Variants in CORO2A observed in about 807,000 individuals in gnomAD.
CORO2A encodes coronin 2A.
CORO2A carries 47 observed loss-of-function variants against 62.4 expected under a neutral mutation model. The ratio of observed to expected loss-of-function variants is 0.75; its 90% confidence interval spans 0.60 to 0.96. The LOEUF is 0.96. Among genes scored for constraint, CORO2A ranks in the 40% least tolerant of loss-of-function variants. The pLI, the probability that CORO2A is intolerant of heterozygous loss-of-function variation, is 0.00. For synonymous variants in CORO2A, 273 were observed against 268.9 expected, an observed-to-expected ratio of 1.02 and a Z score of -0.15; for missense variants, 610 against 684.1, an observed-to-expected ratio of 0.89 and a Z score of 1.21.
At chr9:98,141,643 T>A (rs923572831) in intron 2 of CORO2A, among the ~76,000 whole-genome samples, 3 of 152,194 alleles carry the variant, frequency 2.0e-5, no homozygotes, top group Non-Finnish European at 2.9e-5. Flanking sequence ...CTTGAGCCAC[T>A]GCGCCCAGCT....
At chr9:98,155,111 A>G (rs1827784624) in intron 2 of CORO2A, among the ~76,000 whole-genome samples, 2 of 152,126 alleles carry the variant, frequency 1.3e-5, no homozygotes, top group African/African-American at 4.8e-5. Flanking sequence ...TGACAATCTG[A>G]TGTGTAGTGG....
intron 1 of CORO2A, among the ~76,000 whole-genome samples, chr9:98,171,044 G>C (rs1349600154): frequency 6.6e-6 from 1 of 152,004 alleles, no homozygotes; most frequent in East Asian, 1.9e-4. Flanking sequence ...ACTCCACACA[G>C]GTTTATTGCC....
At chr9:98,149,993 G>A (rs376665698) in intron 2 of CORO2A, among the ~76,000 whole-genome samples, 39 of 151,312 alleles carry the variant, frequency 2.6e-4, no homozygotes, top group African/African-American at 7.5e-4. Flanking sequence ...GTGCAGTGGC[G>A]CGATCTTGAC....
At chr9:98,178,829 C>T (rs1251622785) in intron 1 of CORO2A, among the ~76,000 whole-genome samples, 1 of 152,186 alleles carries the variant, frequency 6.6e-6, no homozygotes, top group Non-Finnish European at 1.5e-5. Flanking sequence ...TGAAGAGAGT[C>T]GGAGATAATT....
In CORO2A at chr9:98,123,876, A is replaced by C. The variant is rs1827277273; in HGVS notation, c.*898T>G. The C allele has an allele frequency of 6.7e-6, 1 of 148,250 alleles. No individual in the cohort carries two copies. The highest frequency in any genetic ancestry group is 1.5e-5 in the Non-Finnish European group (1 of 67,146). The allele number at this position is 148,250 out of a possible 1,614,324, so 9.2% of individuals were successfully genotyped here. A position where few individuals can be genotyped will look rare whatever the true frequency, so the allele number is the denominator to read the frequency against. Reference sequence around the variant, plus strand: ...CACCATGTTGGCCAGGCTGGTCTTGAACTCCTGACCTCAGAAGATCCGCCC... The same window carrying C: ...CACCATGTTGGCCAGGCTGGTCTTGCACTCCTGACCTCAGAAGATCCGCCC... On this transcript the variant is annotated 3_prime_UTR_variant, in exon 12 of 12. Coordinates refer to ENST00000375077, the MANE Select transcript of CORO2A (RefSeq NM_052820.4).
intron 3 of CORO2A, 79 bp from the exon 4 acceptor site, chr9:98,135,034 C>CA (rs1410734242): frequency 4.2e-5 from 65 of 1,546,706 alleles, no homozygotes; most frequent in Non-Finnish European, 5.3e-5. Flanking sequence ...ACAGATCTGG[C>CA]AGTGACCAGC....
intron 1 of CORO2A, among the ~76,000 whole-genome samples, chr9:98,186,060 G>T (rs1332717385): frequency 1.3e-5 from 2 of 152,250 alleles, no homozygotes. Context: ...TGTGGGCAGG[G>T]TCATGCCATT....
At chr9:98,135,182 C>G (rs942257723) in intron 3 of CORO2A, among the ~76,000 whole-genome samples, 2 of 152,206 alleles carry the variant, frequency 1.3e-5, no homozygotes, top group African/African-American at 2.4e-5. Flanking sequence ...CAGGGGCCAG[C>G]GCTGACCAGG....
At chr9:98,177,314 C>T (rs1422131986) in intron 1 of CORO2A, among the ~76,000 whole-genome samples, 1 of 152,156 alleles carries the variant, frequency 6.6e-6, no homozygotes, top group Non-Finnish European at 1.5e-5. Flanking sequence ...GAGGTATTCC[C>T]ATGGGGTCTC....
rs146851991 is a variant in CORO2A at position 98,150,183 on chromosome 9, G to A, written c.201+7277C>T. On this transcript the variant is annotated intron_variant, in intron 2 of 11. Coordinates refer to ENST00000375077, the MANE Select transcript of CORO2A (RefSeq NM_052820.4). Reference sequence around the variant, plus strand: ...CCTGACCTCGTGATCTGCCTGCCTCGGCTTCCCAAAGTGCTGAGATTGCAG... The same window carrying A: ...CCTGACCTCGTGATCTGCCTGCCTCAGCTTCCCAAAGTGCTGAGATTGCAG... 5.7e-3 allele frequency among the ~76,000 whole-genome samples: 863 copies of A among 152,066 alleles called. 6 individuals are homozygous for A. The highest frequency in any genetic ancestry group is 0.02 in the African/African-American group (811 of 41,474).
intron 1 of CORO2A, among the ~76,000 whole-genome samples, chr9:98,177,942 T>C (rs1828130498): frequency 1.3e-5 from 2 of 152,360 alleles, no homozygotes; most frequent in South Asian, 4.1e-4. Context: ...TCAGACTTAT[T>C]AGCTTGTCAC....
chr9:98,132,657 CA>C (rs1827425154), intron 5 of CORO2A, among the ~76,000 whole-genome samples: 1 of 152,206 alleles, frequency 6.6e-6, no homozygotes, highest in South Asian at 2.1e-4. Context: ...CCCATTGTTG[CA>C]AATGAGAAAA....
chr9:98,137,757 G>T, intron 2 of CORO2A, 69 bp from the exon 3 acceptor site: 2 of 1,146,454 alleles, frequency 1.7e-6, no homozygotes, highest in Non-Finnish European at 2.7e-6. Flanking sequence ...CAGTCACATA[G>T]TCAGTTAGCA....
intron 1 of CORO2A, among the ~76,000 whole-genome samples, chr9:98,186,685 G>C (rs755508095): frequency 1.3e-5 from 2 of 152,016 alleles, no homozygotes; most frequent in Non-Finnish European, 2.9e-5. Flanking sequence ...ATTTTAAAAC[G>C]GGAGAAATAA....
chr9:98,177,710 C>T (rs1363364885), intron 1 of CORO2A, among the ~76,000 whole-genome samples: 1 of 150,348 alleles, frequency 6.7e-6, no homozygotes, highest in Non-Finnish European at 1.5e-5. Flanking sequence ...CTCAGGTGAT[C>T]TCCAAACTTT....
In CORO2A at chr9:98,131,013, G is replaced by T. The variant is rs1244657643; in HGVS notation, c.812C>A (p.Ser271Ter). The part of the protein sequence containing the change: ...PLMEEDLDGS[S>*]GVLFPFYDAD... ...GTCATAGAAGGGAAACAGCACGCCC[G>T]AGGAGCCGTCCAGGTCCTCCTCCAT... The change falls in exon 7 of 12, where the codon TCG becomes TAG. Residue 271 changes from serine (S) to a stop codon, truncating the protein, a stop_gained. Coordinates refer to ENST00000375077, the MANE Select transcript of CORO2A (RefSeq NM_052820.4). LOFTEE classifies it high-confidence loss of function. The T allele has an allele frequency of 6.2e-7, 1 of 1,613,916 alleles. No individual in the cohort carries two copies.
At chr9:98,129,996 G>C in intron 7 of CORO2A, 106 bp from the exon 8 acceptor site, 2 of 773,266 alleles carry the variant, frequency 2.6e-6, no homozygotes, top group Non-Finnish European at 4.4e-6. Flanking sequence ...TTGATGATCG[G>C]CAAACCCATC....
intron 1 of CORO2A, among the ~76,000 whole-genome samples, chr9:98,169,017 G>A (rs1827997865): frequency 6.6e-6 from 1 of 152,206 alleles, no homozygotes; most frequent in Admixed American, 6.5e-5. Context: ...GGGACGGGGT[G>A]GAGGGGTGGG....
At position 98,121,721 on chromosome 9, in the gene CORO2A, G is replaced by A. The variant is rs17807775; in HGVS notation, c.*3053C>T. On this transcript the variant is annotated 3_prime_UTR_variant, in exon 12 of 12. Transcript: ENST00000375077. ...TGTTTCTTCACTTCTCTGAGGCTAG[G>A]TCTTTGATTCTGAACATGGGGACTG... 1,961 of 152,288 alleles carry A rather than the reference G, an allele frequency of 0.013. 19 individuals are homozygous for A. Among genetic ancestry groups the A allele is most frequent in the Admixed American group, 0.018 (277 of 15,284 alleles). The allele number at this position is 152,288 out of a possible 1,614,324, so 9.4% of individuals were successfully genotyped here.
Sources: gnomAD v4.1 joint callset for allele counts (sites outside exome capture counted in the v4.1 genomes callset) on GRCh38, gnomAD v4.1.1 for gene constraint, MANE v1.5 for transcripts, NCBI Gene and HGNC (gene_info 2026-07-23, HGNC 2026-07-21) for gene names.